The following CALCRL variants were observed in gnomAD, a reference collection of about 807,000 sequenced individuals.
The protein encoded by CALCRL is calcitonin receptor like receptor.
CALCRL carries 27 observed loss-of-function variants against 60.4 expected under a neutral mutation model. That is an observed-to-expected ratio of 0.45 (90% CI 0.33 to 0.62). The LOEUF (loss-of-function observed/expected upper bound fraction) is 0.62, where lower values mean the gene tolerates loss of function less well. CALCRL is among the 20% of genes least tolerant of loss of function. CALCRL has a pLI of 0.03. For synonymous variants in CALCRL, 190 were observed against 182.6 expected (o/e 1.04, Z -0.33); for missense variants, 424 against 540.7 (o/e 0.78, Z 2.14).
chr2:187,438,420 G>A (rs1690742341), intron 1 of CALCRL, among the ~76,000 whole-genome samples: 3 of 152,110 alleles, frequency 2.0e-5, no homozygotes, highest in Admixed American at 1.3e-4. Flanking sequence ...ATTACAGACT[G>A]ACAAACATGT....
At chr2:187,369,220 T>A (rs1687421666) in intron 8 of CALCRL, among the ~76,000 whole-genome samples, 3 of 152,106 alleles carry the variant, frequency 2.0e-5, no homozygotes, top group Admixed American at 6.6e-5. Context: ...TTTCTACCAT[T>A]TGTGAACTGC....
intron 9 of CALCRL, among the ~76,000 whole-genome samples, chr2:187,361,773 T>A (rs1687065848): frequency 6.6e-6 from 1 of 151,990 alleles, no homozygotes; most frequent in Non-Finnish European, 1.5e-5. Flanking sequence ...GATTTGCTAA[T>A]ATTTATACAT....
At chr2:187,364,669 C>G (rs1687202322) in intron 8 of CALCRL, among the ~76,000 whole-genome samples, 1 of 152,084 alleles carries the variant, frequency 6.6e-6, no homozygotes, top group South Asian at 2.1e-4. Context: ...TTTAAAAATT[C>G]AGTTTAGAGT....
At chr2:187,380,344 T>C (rs1205592731) in intron 7 of CALCRL, 123 bp downstream of exon 7, 1 of 570,578 alleles carries the variant, frequency 1.8e-6, no homozygotes, top group Non-Finnish European at 3.1e-6. Context: ...TCTCAAATTA[T>C]ATTATGAAAA....
intron 1 of CALCRL, among the ~76,000 whole-genome samples, chr2:187,404,554 G>C (rs1298306936): frequency 3.4e-5 from 5 of 148,616 alleles, no homozygotes; most frequent in Non-Finnish European, 7.4e-5. Flanking sequence ...GGTCTATCTT[G>C]GTCATTTCAA....
At chr2:187,423,339 C>T (rs549599852) in intron 1 of CALCRL, among the ~76,000 whole-genome samples, 146 of 150,498 alleles carry the variant, frequency 9.7e-4, no homozygotes, top group Non-Finnish European at 1.7e-3. Flanking sequence ...AACCAATGTG[C>T]TTCAAAGTTA....
At chr2:187,403,580 A>G (rs750809522) in intron 1 of CALCRL, among the ~76,000 whole-genome samples, 3 of 151,954 alleles carry the variant, frequency 2.0e-5, no homozygotes, top group Non-Finnish European at 4.4e-5. Context: ...AGGAATTCAA[A>G]GTTAGTAACA....
intron 1 of CALCRL, among the ~76,000 whole-genome samples, chr2:187,416,498 T>C (rs1574299477): frequency 2.0e-5 from 3 of 151,756 alleles, no homozygotes; most frequent in Admixed American, 2.0e-4. Flanking sequence ...ATTACATACA[T>C]GAAAAAGGAG....
Position 187,344,634 on chromosome 2 carries a change from CAAT to C in CALCRL, c.*1547_*1549del, listed in dbSNP as rs1686207245. 6.6e-6 allele frequency: 1 copy of C among 151,548 alleles called. No homozygotes were observed. Among genetic ancestry groups the C allele is most frequent in the South Asian group, 2.1e-4 (1 of 4,822 alleles). 9.4% of individuals were successfully genotyped at this position (151,548 alleles called of 1,614,324 possible). ...CTGACAATAATTCAGTAAGATCTGA[CAAT>C]AATTTTTTCTCAATGATATATTCAA... On this transcript the variant is annotated 3_prime_UTR_variant, in exon 15 of 15. Coordinates refer to ENST00000392370, the MANE Select transcript of CALCRL (RefSeq NM_005795.6).
chr2:187,354,716 G>C (rs565255675), intron 12 of CALCRL, among the ~76,000 whole-genome samples: 1 of 151,904 alleles, frequency 6.6e-6, no homozygotes, highest in African/African-American at 2.4e-5. Context: ...GTGGATTTTC[G>C]CTTCTTTTCT....
At position 187,383,200 on chromosome 2, in the gene CALCRL, T is replaced by C. The variant is rs1199662856; in HGVS notation, c.157A>G (p.Met53Val). 1 of 1,611,932 alleles carries C rather than the reference T, an allele frequency of 6.2e-7. No homozygotes were observed. The change falls in exon 5 of 15, where the codon ATG becomes GTG. Residue 53 changes from methionine (M) to valine (V), a missense_variant. By Grantham distance (21) the Met-to-Val change is conservative (BLOSUM62 1). Coordinates refer to ENST00000392370, the MANE Select transcript of CALCRL (RefSeq NM_005795.6). ...TAQYECYQKI[M>V]QDPIQQAEGV... ...TCTGCTTGTTGAATGGGGTCTTGCA[T>C]AATCTTTTGGTAACATTCATATTGA...
chr2:187,418,869 T>C (rs1689738568), intron 1 of CALCRL, among the ~76,000 whole-genome samples: 2 of 149,004 alleles, frequency 1.3e-5, no homozygotes, highest in Non-Finnish European at 3.0e-5. Flanking sequence ...CTTTTTTTTT[T>C]TTTTTTAGAT....
chr2:187,386,140 T>TAGATAGATGATAGAC (rs1688198881), intron 3 of CALCRL, among the ~76,000 whole-genome samples: 1 of 152,052 alleles, frequency 6.6e-6, no homozygotes, highest in Admixed American at 6.6e-5. Context: ...TATAGATAGA[T>TAGATAGATGATAGAC]AGATAGATAA....
At chr2:187,398,665 G>A (rs1041094561) in intron 1 of CALCRL, among the ~76,000 whole-genome samples, 2 of 151,542 alleles carry the variant, frequency 1.3e-5, no homozygotes, top group Non-Finnish European at 3.0e-5. Context: ...AATTTAGCTT[G>A]GTCATGGACA....
At position 187,401,607 on chromosome 2, in the gene CALCRL, C is replaced by T. The variant is rs114692932; in HGVS notation, c.-292-13851G>A. ...ATCTATATACATACTTAGAAAATTT[C>T]CCTTAATTTTAGATAGGATCTATAA... On this transcript the variant is annotated intron_variant, in intron 1 of 14. Transcript: ENST00000392370. Among the ~76,000 whole-genome samples, 736 of 151,614 alleles carry T rather than the reference C, an allele frequency of 4.9e-3. 4 individuals are homozygous for T. Among genetic ancestry groups the T allele is most frequent in the African/African-American group, 0.017 (686 of 41,458 alleles).
chr2:187,425,796 C>G (rs1003624319), intron 1 of CALCRL, among the ~76,000 whole-genome samples: 1 of 151,938 alleles, frequency 6.6e-6, no homozygotes, highest in Non-Finnish European at 1.5e-5. Context: ...TCAGCCATTT[C>G]AACTGACAGA....
chr2:187,369,688 C>A (rs1019806715), intron 8 of CALCRL, among the ~76,000 whole-genome samples: 21 of 152,138 alleles, frequency 1.4e-4, no homozygotes, highest in Non-Finnish European at 2.9e-4. Context: ...ATGTGACTCA[C>A]ACTATAGCAG....
At chr2:187,430,741 C>A (rs894912753) in intron 1 of CALCRL, among the ~76,000 whole-genome samples, 2 of 151,718 alleles carry the variant, frequency 1.3e-5, no homozygotes, top group African/African-American at 4.8e-5. Flanking sequence ...ATCTTATGTT[C>A]CAATTATGAA....
chr2:187,387,684 T>A lies in CALCRL; in HGVS notation c.-220A>T, dbSNP rs6753700. 0.68 allele frequency: 271,466 copies of A among 396,340 alleles called. 94,108 individuals are homozygous for A. The highest frequency in any genetic ancestry group is 0.91 in the East Asian group (25,359 of 27,778). The allele number at this position is 396,340 out of a possible 1,614,324, so 24.6% of individuals were successfully genotyped here. A position where few individuals can be genotyped will look rare whatever the true frequency, so the allele number is the denominator to read the frequency against. ...TACTTACATGCACAATTGTCTCCAG[T>A]CTCAAATCACATTTTCTCTTGGATC... On this transcript the variant is annotated 5_prime_UTR_variant, in exon 2 of 15. Transcript: ENST00000392370.
Sources: allele counts gnomAD v4.1 joint callset (sites outside exome capture counted in the v4.1 genomes callset), GRCh38; gene constraint gnomAD v4.1.1; transcripts MANE v1.5; gene names NCBI Gene and HGNC (gene_info 2026-07-23, HGNC 2026-07-21).